Variants in IMMP2L observed in about 807,000 individuals in gnomAD.
IMMP2L encodes the protein inner mitochondrial membrane peptidase subunit 2, also known as mitochondrial inner membrane protease subunit 2.
IMMP2L carries 18 observed loss-of-function variants against 19.3 expected under a neutral mutation model. The observed-to-expected ratio is 0.93, with a 90% CI of 0.64 to 1.38. The LOEUF is 1.38. Ranked by LOEUF, IMMP2L falls within the 40% of genes most tolerant of loss-of-function variation. IMMP2L has a pLI of 0.00. For synonymous variants in IMMP2L, 76 were observed against 73.0 expected (o/e 1.04, Z -0.21); for missense variants, 233 against 218.2 (o/e 1.07, Z -0.43).
chr7:111,260,387 T>C (rs1452349015), intron 3 of IMMP2L, among the ~76,000 whole-genome samples: 1 of 152,156 alleles, frequency 6.6e-6, no homozygotes, highest in African/African-American at 2.4e-5. Flanking sequence ...TGAAACATCA[T>C]TATGTGGCTC....
At chr7:111,328,903 T>C (rs1211902898) in intron 3 of IMMP2L, among the ~76,000 whole-genome samples, 2 of 151,386 alleles carry the variant, frequency 1.3e-5, no homozygotes, top group Admixed American at 6.6e-5. Context: ...TTATTTAGTC[T>C]CACAAAAAAA....
chr7:111,503,472 A>G (rs1227464821), intron 2 of IMMP2L, among the ~76,000 whole-genome samples: 1 of 152,152 alleles, frequency 6.6e-6, no homozygotes, highest in Non-Finnish European at 1.5e-5. Context: ...TCATTTTAGG[A>G]GGCCAGCATC....
intron 3 of IMMP2L, among the ~76,000 whole-genome samples, chr7:111,103,249 T>C (rs557252184): frequency 6.6e-6 from 1 of 151,748 alleles, no homozygotes; most frequent in East Asian, 1.9e-4. Flanking sequence ...GGTTAATAAT[T>C]GTACTTCTTT....
At chr7:111,511,104 A>T (rs1335668388) in intron 2 of IMMP2L, among the ~76,000 whole-genome samples, 1 of 152,118 alleles carries the variant, frequency 6.6e-6, no homozygotes, top group Admixed American at 6.6e-5. Flanking sequence ...AGGAAAGATT[A>T]AAAAACAGGA....
At chr7:110,827,107 T>C (rs568475491) in intron 5 of IMMP2L, among the ~76,000 whole-genome samples, 1 of 152,212 alleles carries the variant, frequency 6.6e-6, no homozygotes, top group South Asian at 2.1e-4. Flanking sequence ...CTAATAAAAA[T>C]AGTTTTGACC....
intron 5 of IMMP2L, among the ~76,000 whole-genome samples, chr7:110,854,673 GTAAC>G (rs146456639): frequency 0.014 from 2,130 of 151,992 alleles, 25 homozygotes; most frequent in Non-Finnish European, 0.022. Context: ...TAAAACACAT[GTAAC>G]TAACATACTC....
intron 4 of IMMP2L, among the ~76,000 whole-genome samples, chr7:110,931,397 T>C (rs181924519): frequency 3.3e-5 from 5 of 152,300 alleles, no homozygotes; most frequent in Non-Finnish European, 2.9e-5. Context: ...TTTTCCTGCC[T>C]AACTTGTTCT....
chr7:111,560,639 A>T (rs1392556877), intron 1 of IMMP2L, among the ~76,000 whole-genome samples: 1 of 152,252 alleles, frequency 6.6e-6, no homozygotes, highest in Non-Finnish European at 1.5e-5. Context: ...AAAGTCTTGT[A>T]AATTAACATG....
intron 5 of IMMP2L, among the ~76,000 whole-genome samples, chr7:110,738,731 A>G (rs1796804026): frequency 6.6e-6 from 1 of 152,230 alleles, no homozygotes; most frequent in African/African-American, 2.4e-5. Flanking sequence ...CACCTGGGAA[A>G]TTCATCACAA....
intron 3 of IMMP2L, among the ~76,000 whole-genome samples, chr7:111,227,934 T>C (rs1471270160): frequency 6.6e-6 from 1 of 152,118 alleles, no homozygotes; most frequent in East Asian, 1.9e-4. Flanking sequence ...ACTATTAATC[T>C]GTTGTCTCAT....
At chr7:111,057,095 T>C (rs1415577832) in intron 3 of IMMP2L, among the ~76,000 whole-genome samples, 1 of 152,224 alleles carries the variant, frequency 6.6e-6, no homozygotes, top group Non-Finnish European at 1.5e-5. Flanking sequence ...TTTTTTGAGT[T>C]CATAAAGGAC....
intron 5 of IMMP2L, among the ~76,000 whole-genome samples, chr7:110,743,371 T>C (rs1047566919): frequency 2.6e-5 from 4 of 152,218 alleles, no homozygotes; most frequent in Non-Finnish European, 5.9e-5. Flanking sequence ...AGAATTAACA[T>C]TGACATTACT....
At chr7:111,429,808 G>C (rs187420173) in intron 3 of IMMP2L, among the ~76,000 whole-genome samples, 10 of 151,872 alleles carry the variant, frequency 6.6e-5, no homozygotes, top group Admixed American at 6.6e-4. Context: ...TTTTCATGTG[G>C]GCAAAATAAT....
intron 3 of IMMP2L, among the ~76,000 whole-genome samples, chr7:110,980,810 G>A (rs1406241037): frequency 1.3e-5 from 2 of 152,146 alleles, no homozygotes; most frequent in Non-Finnish European, 2.9e-5. Context: ...TTGTTATACA[G>A]ATGAGCTTCT....
At chr7:111,414,100 AC>A (rs1834729327) in intron 3 of IMMP2L, among the ~76,000 whole-genome samples, 1 of 151,514 alleles carries the variant, frequency 6.6e-6, no homozygotes, top group East Asian at 1.9e-4. Context: ...AGTGAACTTG[AC>A]CCCCTCCTCA....
chr7:110,869,452 G>A (rs759199241), intron 5 of IMMP2L, among the ~76,000 whole-genome samples: 1 of 151,986 alleles, frequency 6.6e-6, no homozygotes. Flanking sequence ...ACACACATAC[G>A]TGCACTTACA....
At chr7:111,054,813 C>T (rs556754486) in intron 3 of IMMP2L, among the ~76,000 whole-genome samples, 2 of 152,174 alleles carry the variant, frequency 1.3e-5, no homozygotes, top group Non-Finnish European at 2.9e-5. Context: ...GGAAAGTCTT[C>T]GACAGTTCAG....
At chr7:111,404,595 T>C (rs902284451) in intron 3 of IMMP2L, among the ~76,000 whole-genome samples, 7 of 152,060 alleles carry the variant, frequency 4.6e-5, no homozygotes, top group African/African-American at 1.4e-4. Flanking sequence ...TGAAAACAGG[T>C]AGAAAGAAAG....
chr7:111,483,323 T>C (rs1353209496), intron 3 of IMMP2L: 6 of 152,276 alleles, frequency 3.9e-5, no homozygotes, highest in South Asian at 2.1e-4. Flanking sequence ...GTGCAACTTA[T>C]GTTAAGCCAG....
Sources: gnomAD v4.1 joint callset for allele counts (sites outside exome capture counted in the v4.1 genomes callset) on GRCh38, gnomAD v4.1.1 for gene constraint, MANE v1.5 for transcripts, NCBI Gene and HGNC (gene_info 2026-07-23, HGNC 2026-07-21) for gene names.